BIN3: variants seen among roughly 807,000 people sequenced by gnomAD.
BIN3 encodes bridging integrator 3.
BIN3 carries 41 observed loss-of-function variants against 38.2 expected under a neutral mutation model. That is an observed-to-expected ratio of 1.07 (90% CI 0.84 to 1.39). BIN3 has a LOEUF of 1.39. Among genes scored for constraint, BIN3 ranks in the 40% most tolerant of loss-of-function variants. The probability of loss-of-function intolerance (pLI) is 0.00; values close to 1 mark genes in which losing one functional copy is unlikely to be tolerated. For missense variants in BIN3, 361 were observed against 324.3 expected (o/e 1.11, Z -0.87); for synonymous variants, 145 against 122.6 (o/e 1.18, Z -1.21).
intron 2 of BIN3, among the ~76,000 whole-genome samples, chr8:22,642,428 G>A (rs2117552588): frequency 6.6e-6 from 1 of 152,226 alleles, no homozygotes; most frequent in East Asian, 1.9e-4. Context: ...TATAGGCCAG[G>A]GAAGCAAATA....
At chr8:22,638,341 A>G (rs1802437025) in intron 2 of BIN3, among the ~76,000 whole-genome samples, 1 of 152,228 alleles carries the variant, frequency 6.6e-6, no homozygotes, top group Admixed American at 6.5e-5. Context: ...CAGAGACAGG[A>G]GTGACTTCCC....
Position 22,629,597 on chromosome 8 carries a change from T to C in BIN3, c.338+367A>G, listed in dbSNP as rs1343313428. 1.1e-5 allele frequency: 3 copies of C among 284,024 alleles called. No individual in the cohort carries two copies. The East Asian group carries it at 1.9e-4, about 18-fold the overall frequency. 17.6% of individuals were successfully genotyped at this position (284,024 alleles called of 1,614,324 possible). A position where few individuals can be genotyped will look rare whatever the true frequency, so the allele number is the denominator to read the frequency against. ...GCTGGCGGGGCAAGATGAAAGGCCT[T>C]GCTCATGTCCGCTGAGGGCTGGCCA... On this transcript the variant is annotated intron_variant, in intron 6 of 8. Coordinates refer to ENST00000276416, the MANE Select transcript of BIN3 (RefSeq NM_018688.6).
intron 1 of BIN3, among the ~76,000 whole-genome samples, chr8:22,655,331 C>T (rs540151408): frequency 6.6e-6 from 1 of 152,242 alleles, no homozygotes; most frequent in East Asian, 1.9e-4. Context: ...CTTTTGGTGT[C>T]ATATGTAAGA....
intron 1 of BIN3, among the ~76,000 whole-genome samples, chr8:22,663,218 G>C (rs1205973434): frequency 6.6e-6 from 1 of 151,688 alleles, no homozygotes; most frequent in Non-Finnish European, 1.5e-5. Context: ...GTGTGTGTGT[G>C]TGTGTGTGTG....
At chr8:22,647,875 C>A (rs1308239994) in intron 1 of BIN3, among the ~76,000 whole-genome samples, 1 of 152,088 alleles carries the variant, frequency 6.6e-6, no homozygotes, top group African/African-American at 2.4e-5. Context: ...ACCTGTAATC[C>A]CAGCACTTTG....
chr8:22,630,072 C>T (rs1802139704), intron 5 of BIN3, 68 bp from the exon 6 acceptor site: 2 of 1,459,702 alleles, frequency 1.4e-6, no homozygotes, highest in Non-Finnish European at 1.9e-6. Flanking sequence ...AGGCAGGGCC[C>T]CTAACTACCA....
intron 2 of BIN3, among the ~76,000 whole-genome samples, chr8:22,641,602 TCCCTGTAG>T (rs1802564100): frequency 6.6e-6 from 1 of 152,096 alleles, no homozygotes. Context: ...GAAAGTGGGC[TCCCTGTAG>T]GTATGTTCTA....
intron 2 of BIN3, among the ~76,000 whole-genome samples, chr8:22,639,420 C>T (rs1021437430): frequency 5.3e-5 from 8 of 152,166 alleles, no homozygotes; most frequent in East Asian, 3.9e-4. Flanking sequence ...TTAGTGGAGA[C>T]GGGATTTTGC....
chr8:22,629,732 G>T (rs1176550266), intron 6 of BIN3: 8 of 581,448 alleles, frequency 1.4e-5, no homozygotes, highest in Non-Finnish European at 2.5e-5. Flanking sequence ...GGGTGGGAAG[G>T]GGGTGGTGGC....
At chr8:22,628,735 C>A (rs1300392488) in intron 6 of BIN3, among the ~76,000 whole-genome samples, 1 of 152,178 alleles carries the variant, frequency 6.6e-6, no homozygotes, top group African/African-American at 2.4e-5. Flanking sequence ...CCTCTGTGTC[C>A]GTCTCTGGGA....
chr8:22,661,086 C>T (rs992884182), intron 1 of BIN3, among the ~76,000 whole-genome samples: 57 of 152,016 alleles, frequency 3.7e-4, no homozygotes, highest in African/African-American at 6.5e-4. Context: ...AGTCTCACTA[C>T]GCTCCCCAGG....
chr8:22,628,820 G>C (rs1802088520), intron 6 of BIN3, among the ~76,000 whole-genome samples: 1 of 152,164 alleles, frequency 6.6e-6, no homozygotes, highest in Non-Finnish European at 1.5e-5. Context: ...AACCAGCCCT[G>C]AACAGTCTGT....
intron 4 of BIN3, 146 bp downstream of exon 4, chr8:22,636,379 G>C: frequency 1.3e-6 from 1 of 772,238 alleles, no homozygotes. Flanking sequence ...CTGGTGAGGA[G>C]TGACTGCCCT....
intron 2 of BIN3, among the ~76,000 whole-genome samples, chr8:22,640,859 G>A (rs918346738): frequency 6.6e-6 from 1 of 152,138 alleles, no homozygotes; most frequent in African/African-American, 2.4e-5. Context: ...TCACAATGAA[G>A]CTGAGGAGAA....
chr8:22,648,654 C>A (rs1389709266), intron 1 of BIN3, among the ~76,000 whole-genome samples: 1 of 152,162 alleles, frequency 6.6e-6, no homozygotes, highest in Non-Finnish European at 1.5e-5. Flanking sequence ...TTCTCAGCTT[C>A]CTACTGTGAA....
intron 1 of BIN3, among the ~76,000 whole-genome samples, chr8:22,656,372 TTC>T (rs1338693643): frequency 1.3e-5 from 2 of 152,176 alleles, no homozygotes; most frequent in African/African-American, 2.4e-5. Context: ...GTAAATGGGA[TTC>T]TCTGTTTCAT....
intron 1 of BIN3, 138 bp from the exon 2 acceptor site, chr8:22,644,941 C>CACCAGGGCACA: frequency 2.8e-6 from 2 of 706,818 alleles, no homozygotes; most frequent in Non-Finnish European, 4.9e-6. Flanking sequence ...ACCATGTGCC[C>CACCAGGGCACA]TGGTGGGCAT....
chr8:22,656,289 T>C (rs1385284736), intron 1 of BIN3, among the ~76,000 whole-genome samples: 4 of 147,008 alleles, frequency 2.7e-5, no homozygotes, highest in African/African-American at 1.0e-4. Context: ...GATCCCAAAA[T>C]AACACATGTG....
intron 4 of BIN3, among the ~76,000 whole-genome samples, chr8:22,632,245 A>C (rs1268622327): frequency 6.6e-6 from 1 of 152,004 alleles, no homozygotes; most frequent in Non-Finnish European, 1.5e-5. Flanking sequence ...CTTGCCTAGC[A>C]CTCCATGGCA....
Sources: gnomAD v4.1 joint callset for allele counts (sites outside exome capture counted in the v4.1 genomes callset) on GRCh38, gnomAD v4.1.1 for gene constraint, MANE v1.5 for transcripts, NCBI Gene and HGNC (gene_info 2026-07-23, HGNC 2026-07-21) for gene names.